Variants in NKAIN2 observed in about 807,000 individuals in gnomAD.
NKAIN2 encodes the protein sodium/potassium transporting ATPase interacting 2.
A neutral mutation model predicts 32.6 loss-of-function variants in NKAIN2; 14 were observed. That is an observed-to-expected ratio of 0.43 (90% CI 0.28 to 0.67). The LOEUF is 0.67. Ranked by LOEUF, NKAIN2 falls within the 30% of genes least tolerant of loss-of-function variation. The pLI is 0.17. For synonymous variants in NKAIN2, 80 were observed against 87.2 expected (o/e 0.92, Z 0.46); for missense variants, 198 against 258.3 (o/e 0.77, Z 1.60).
intron 3 of NKAIN2, among the ~76,000 whole-genome samples, chr6:124,423,112 C>T (rs1278160909): frequency 1.3e-5 from 2 of 152,184 alleles, no homozygotes; most frequent in East Asian, 1.9e-4. Flanking sequence ...TACAAATGCA[C>T]ACCTGTGCTC....
intron 4 of NKAIN2, among the ~76,000 whole-genome samples, chr6:124,778,439 C>G (rs1474958307): frequency 6.6e-6 from 1 of 150,546 alleles, no homozygotes; most frequent in African/African-American, 2.4e-5. Context: ...TATTTTTCTT[C>G]TCCTACTCTT....
intron 1 of NKAIN2, among the ~76,000 whole-genome samples, chr6:123,911,787 A>ATGTATATATATATATG (rs1554222341): frequency 1.8e-4 from 13 of 71,276 alleles, no homozygotes; most frequent in African/African-American, 6.9e-4. Context: ...ACATACATAT[A>ATGTATATATATATATG]TATATATATA....
At chr6:123,911,811 A>ATATGTG (rs1562253493) in intron 1 of NKAIN2, among the ~76,000 whole-genome samples, 1 of 96,650 alleles carries the variant, frequency 1.0e-5, no homozygotes, top group African/African-American at 5.7e-5. Flanking sequence ...GTATATATAT[A>ATATGTG]TACACACACA....
chr6:124,653,637 G>GA (rs957125976), intron 3 of NKAIN2, among the ~76,000 whole-genome samples: 2 of 151,684 alleles, frequency 1.3e-5, no homozygotes, highest in Non-Finnish European at 2.9e-5. Context: ...CATGATCCAT[G>GA]AAAAAAAGCA....
intron 3 of NKAIN2, among the ~76,000 whole-genome samples, chr6:124,410,768 G>A (rs1428389714): frequency 6.6e-6 from 1 of 152,026 alleles, no homozygotes; most frequent in South Asian, 2.1e-4. Flanking sequence ...TTTCTGTCTC[G>A]ATCTGTCTAA....
intron 4 of NKAIN2, among the ~76,000 whole-genome samples, chr6:124,672,208 A>G (rs972462701): frequency 6.6e-6 from 1 of 152,092 alleles, no homozygotes; most frequent in Non-Finnish European, 1.5e-5. Flanking sequence ...TCCAGATAAC[A>G]GAGGAAATCA....
chr6:123,922,867 ATGGG>A (rs1775818487), intron 1 of NKAIN2, among the ~76,000 whole-genome samples: 1 of 152,180 alleles, frequency 6.6e-6, no homozygotes, highest in East Asian at 1.9e-4. Context: ...AATTTTTAAC[ATGGG>A]GAAAGTTACT....
chr6:124,262,111 T>C (rs1794282233), intron 1 of NKAIN2, among the ~76,000 whole-genome samples: 1 of 152,136 alleles, frequency 6.6e-6, no homozygotes, highest in Non-Finnish European at 1.5e-5. Flanking sequence ...CGTTAGTTGT[T>C]CCATAAATGT....
chr6:124,519,230 A>G (rs970047043), intron 3 of NKAIN2, among the ~76,000 whole-genome samples: 2 of 152,210 alleles, frequency 1.3e-5, no homozygotes, highest in African/African-American at 4.8e-5. Flanking sequence ...ACCTGACCAA[A>G]AAACAGTCAT....
chr6:124,552,133 C>G lies in NKAIN2; in HGVS notation c.274-106053C>G, dbSNP rs568212488. 4.9e-4 allele frequency among the ~76,000 whole-genome samples: 75 copies of G among 152,280 alleles called. 2 individuals carry two copies. The South Asian group carries it at 0.015, about 29-fold the overall frequency. On this transcript the variant is annotated intron_variant, in intron 3 of 6. Coordinates refer to ENST00000368417, the MANE Select transcript of NKAIN2 (RefSeq NM_001040214.3). The stretch of plus-strand genomic sequence containing the variant: ...GAGAACATTTTCTAAACAAGACATT[C>G]CTTGACATGCAGAAACTCTCATTTC...
rs1240975035 is a variant in NKAIN2 at position 124,306,779 on chromosome 6, TC to T, written c.192+23638del. ...TTGAGTTTGTGGATCAGAAGACAAGTCAATCTTAATGGCCATTATTCAGAAC... is the reference window on the plus strand; with the variant it reads ...TTGAGTTTGTGGATCAGAAGACAAGTAATCTTAATGGCCATTATTCAGAAC... On this transcript the variant is annotated intron_variant, in intron 2 of 6. Coordinates refer to ENST00000368417, the MANE Select transcript of NKAIN2 (RefSeq NM_001040214.3). Among the ~76,000 whole-genome samples, 4 of 152,160 alleles carry T rather than the reference TC, an allele frequency of 2.6e-5. 1 individual carries two copies. Among genetic ancestry groups the T allele is most frequent in the Admixed American group, 2.6e-4 (4 of 15,268 alleles).
intron 1 of NKAIN2, among the ~76,000 whole-genome samples, chr6:123,804,991 G>T (rs965841673): frequency 2.0e-5 from 3 of 152,130 alleles, no homozygotes; most frequent in Admixed American, 2.0e-4. Flanking sequence ...CTATAGGATG[G>T]AGAATTCTAT....
At chr6:124,006,468 C>T (rs552812653) in intron 1 of NKAIN2, among the ~76,000 whole-genome samples, 1 of 152,162 alleles carries the variant, frequency 6.6e-6, no homozygotes, top group Non-Finnish European at 1.5e-5. Context: ...TAGAAACACA[C>T]CTCAAATCTA....
intron 1 of NKAIN2, among the ~76,000 whole-genome samples, chr6:124,279,944 T>A (rs1250418708): frequency 2.6e-5 from 4 of 152,176 alleles, no homozygotes; most frequent in Non-Finnish European, 4.4e-5. Flanking sequence ...TAATTCTTTG[T>A]GGTAGCAAAG....
chr6:124,454,157 A>G (rs1776233691), intron 3 of NKAIN2, among the ~76,000 whole-genome samples: 1 of 151,132 alleles, frequency 6.6e-6, no homozygotes, highest in South Asian at 2.1e-4. Context: ...TGTACATTAG[A>G]CCAAACATAC....
chr6:124,104,678 T>C (rs561877184), intron 1 of NKAIN2, among the ~76,000 whole-genome samples: 3 of 152,342 alleles, frequency 2.0e-5, no homozygotes, highest in South Asian at 2.1e-4. Context: ...TGTTGGAGAT[T>C]CATGAATGCA....
chr6:124,057,422 T>C (rs983443562), intron 1 of NKAIN2, among the ~76,000 whole-genome samples: 27 of 152,174 alleles, frequency 1.8e-4, no homozygotes, highest in African/African-American at 6.5e-4. Context: ...TAGTGGGAAA[T>C]GGTAGTGTAT....
chr6:124,364,964 T>A (rs998341933), intron 3 of NKAIN2, among the ~76,000 whole-genome samples: 2 of 151,906 alleles, frequency 1.3e-5, no homozygotes, highest in African/African-American at 2.4e-5. Flanking sequence ...ATTATGGAAA[T>A]GTTAATGGTA....
At chr6:123,922,225 C>T (rs1775790688) in intron 1 of NKAIN2, among the ~76,000 whole-genome samples, 1 of 152,186 alleles carries the variant, frequency 6.6e-6, no homozygotes, top group Non-Finnish European at 1.5e-5. Flanking sequence ...CTAAACTTCT[C>T]AGCTATTGAG....
Sources: gnomAD v4.1 joint callset for allele counts (sites outside exome capture counted in the v4.1 genomes callset) on GRCh38, gnomAD v4.1.1 for gene constraint, MANE v1.5 for transcripts, NCBI Gene and HGNC (gene_info 2026-07-23, HGNC 2026-07-21) for gene names.